The following CYREN variants were observed in gnomAD, a reference collection of about 807,000 sequenced individuals.
CYREN encodes cell cycle regulator of NHEJ.
A neutral mutation model predicts 9.7 loss-of-function variants in CYREN; 7 were observed. That is an observed-to-expected ratio of 0.72 (90% CI 0.41 to 1.36). CYREN has a LOEUF of 1.36. Among genes scored for constraint, CYREN ranks in the 40% most tolerant of loss-of-function variants. The pLI, the probability that CYREN is intolerant of heterozygous loss-of-function variation, is 0.01. For missense variants in CYREN, 215 were observed against 198.1 expected, an observed-to-expected ratio of 1.09 and a Z score of -0.51; for synonymous variants, 76 against 77.9, an observed-to-expected ratio of 0.98 and a Z score of 0.13.
chr7:135,128,032 G>A (rs1316835349), intron 2 of CYREN, among the ~76,000 whole-genome samples: 7 of 152,234 alleles, frequency 4.6e-5, no homozygotes, highest in Middle Eastern at 3.4e-3. Context: ...GGTGGCTCAC[G>A]CCTATAATCC....
At chr7:135,096,480 C>A (rs575223080) in intron 2 of CYREN, among the ~76,000 whole-genome samples, 1 of 147,350 alleles carries the variant, frequency 6.8e-6, no homozygotes, top group Admixed American at 6.8e-5. Context: ...ACATATACAA[C>A]TAGGAAGATA....
At chr7:135,167,647 GTC>G (rs1457910851) in intron 3 of CYREN, 83 bp downstream of exon 3, 220 of 1,576,598 alleles carry the variant, frequency 1.4e-4, no homozygotes, top group Non-Finnish European at 1.8e-4. Context: ...GGCAGAGGGC[GTC>G]TCTCTTACTG....
intron 2 of CYREN, among the ~76,000 whole-genome samples, chr7:135,159,986 T>A (rs1167753334): frequency 6.6e-6 from 1 of 152,218 alleles, no homozygotes; most frequent in Non-Finnish European, 1.5e-5. Flanking sequence ...CATAGCATTA[T>A]AAAATAATGT....
At chr7:135,108,872 T>C (rs897363385) in intron 2 of CYREN, among the ~76,000 whole-genome samples, 3 of 152,200 alleles carry the variant, frequency 2.0e-5, no homozygotes, top group African/African-American at 7.2e-5. Flanking sequence ...AGAGGTTTTG[T>C]TCATTCCTTT....
rs543774348 is a variant in CYREN, at chr7:135,166,848, G to A, written c.237C>T (p.Cys79=). The A allele has an allele frequency of 1.9e-5, 31 of 1,613,932 alleles. No individual in the cohort carries two copies. The East Asian group carries it at 3.8e-4, about 20-fold the overall frequency. ...LIESRKQEKA[C]EQPALAGADN... ...CAGCCCCCGCCAGGGCCGGCTGCTC[G>A]CAGGCCTTTTCCTGTTTGCGGCTCT... Residue 79 remains cysteine, a synonymous_variant, in exon 4 of 4, where the codon TGC becomes TGT. Transcript: ENST00000393114.
intron 2 of CYREN, chr7:135,128,748 C>T (rs1828312770): frequency 1.3e-5 from 18 of 1,369,306 alleles, no homozygotes; most frequent in Non-Finnish European, 1.6e-5. Flanking sequence ...CAGCTCAAGC[C>T]TCTCCCAACA....
At chr7:135,130,543 A>C (rs1453029844) in intron 2 of CYREN, among the ~76,000 whole-genome samples, 2 of 121,908 alleles carry the variant, frequency 1.6e-5, no homozygotes, top group East Asian at 4.0e-4. Flanking sequence ...TCTTAATATT[A>C]ATTCCAGCAA....
At chr7:135,103,907 C>T (rs928582143) in intron 2 of CYREN, among the ~76,000 whole-genome samples, 2 of 152,012 alleles carry the variant, frequency 1.3e-5, no homozygotes, top group East Asian at 3.8e-4. Context: ...GGATGTTCAT[C>T]ATGGTATTAT....
At chr7:135,123,907 A>G (rs577195127) in intron 2 of CYREN, among the ~76,000 whole-genome samples, 10 of 152,334 alleles carry the variant, frequency 6.6e-5, no homozygotes, top group African/African-American at 2.4e-4. Context: ...TAAATATGAA[A>G]AACAAAAACC....
At chr7:135,128,372 G>A (rs1244629396) in intron 2 of CYREN, 1 of 469,544 alleles carries the variant, frequency 2.1e-6, no homozygotes, top group African/African-American at 2.0e-5. Context: ...TGGCCCTGGT[G>A]GGAGTGTAGC....
intron 1 of CYREN, 177 bp from the exon 2 acceptor site, chr7:135,169,237 C>T (rs1195096493): frequency 4.7e-6 from 1 of 211,646 alleles, no homozygotes. Context: ...AGCCCTCTGA[C>T]CTCCCCAAAG....
chr7:135,105,070 GT>G (rs71172498), intron 2 of CYREN, among the ~76,000 whole-genome samples: 335 of 127,066 alleles, frequency 2.6e-3, no homozygotes, highest in African/African-American at 9.1e-3. Context: ...TTACATTCAA[GT>G]TTTTTTTTTT....
chr7:135,127,269 C>T (rs1378109628), intron 2 of CYREN, among the ~76,000 whole-genome samples: 1 of 152,150 alleles, frequency 6.6e-6, no homozygotes, highest in African/African-American at 2.4e-5. Flanking sequence ...TGTAAAAAAG[C>T]TCAATGGTTG....
chr7:135,154,045 C>G (rs775814156), intron 2 of CYREN, among the ~76,000 whole-genome samples: 1 of 152,080 alleles, frequency 6.6e-6, no homozygotes, highest in Non-Finnish European at 1.5e-5. Flanking sequence ...TCTATTTCTT[C>G]CTGGTTCAAT....
intron 2 of CYREN, chr7:135,094,679 G>A: frequency 2.7e-6 from 1 of 365,334 alleles, no homozygotes; most frequent in Non-Finnish European, 5.3e-6. Context: ...TCTAAAAGGA[G>A]AAAATCAATA....
downstream of CYREN, among the ~76,000 whole-genome samples, chr7:135,161,781 T>C (rs909793363): frequency 2.6e-5 from 4 of 152,192 alleles, no homozygotes; most frequent in Non-Finnish European, 4.4e-5. The surrounding 1 kb of genome is among the most constrained non-coding windows in gnomAD (Gnocchi z 4.1). Context: ...TCCAGAGCCT[T>C]TGACAGTGCC....
chr7:135,144,866 A>C (rs1829514321), intron 2 of CYREN, among the ~76,000 whole-genome samples: 2 of 146,902 alleles, frequency 1.4e-5, no homozygotes, highest in Admixed American at 1.4e-4. Context: ...ACAAGAGGTC[A>C]AGGCTGCAAT....
chr7:135,128,702 C>T (rs1376324883), intron 2 of CYREN: 1 of 1,356,758 alleles, frequency 7.4e-7, no homozygotes, highest in African/African-American at 1.4e-5. Flanking sequence ...CTTTTGAGCT[C>T]AAGATTGATT....
In CYREN at chr7:135,167,729, T is replaced by C. The variant is rs978466264; in HGVS notation, c.213+3A>G. Reference sequence around the variant, plus strand: ...CATGAGTAAGAGGCTTGTCTGACTTTACCTCAATCAGGATTCCCAGAGCAA... The same window carrying C: ...CATGAGTAAGAGGCTTGTCTGACTTCACCTCAATCAGGATTCCCAGAGCAA... On this transcript the variant is annotated splice_donor_region_variant and intron_variant, in intron 3 of 3. Transcript: ENST00000393114. The C allele has an allele frequency of 2.5e-6, 4 of 1,614,126 alleles. No homozygotes were observed. Among genetic ancestry groups the C allele is most frequent in the Non-Finnish European group, 3.4e-6 (4 of 1,180,010 alleles).
Sources: gnomAD v4.1 joint callset for allele counts (sites outside exome capture counted in the v4.1 genomes callset) on GRCh38, gnomAD v4.1.1 for gene constraint, Gnocchi (gnomAD v3.1) non-coding constraint, MANE v1.5 for transcripts, NCBI Gene and HGNC (gene_info 2026-07-23, HGNC 2026-07-21) for gene names.